PTPRR: variants seen among roughly 807,000 people sequenced by gnomAD.
The protein encoded by PTPRR is protein tyrosine phosphatase receptor type R.
In PTPRR, 38 loss-of-function variants were observed where a neutral mutation model predicts 77.2. The ratio of observed to expected loss-of-function variants is 0.49; its 90% CI spans 0.38 to 0.65. The LOEUF is 0.65. PTPRR is among the 30% of genes least tolerant of loss of function. PTPRR has a pLI of 0.00. For missense variants in PTPRR, 744 were observed against 799.2 expected, an observed-to-expected ratio of 0.93 and a Z score of 0.83; for synonymous variants, 299 against 283.1, an observed-to-expected ratio of 1.06 and a Z score of -0.57.
intron 2 of PTPRR, among the ~76,000 whole-genome samples, chr12:70,875,627 A>T (rs1180444548): frequency 6.7e-6 from 1 of 148,626 alleles, no homozygotes; most frequent in African/African-American, 2.5e-5. Context: ...AATGACTGGG[A>T]TTTATTGCTA....
intron 2 of PTPRR, among the ~76,000 whole-genome samples, chr12:70,823,094 C>T (rs1565709405): frequency 7.2e-6 from 1 of 139,596 alleles, no homozygotes; most frequent in Non-Finnish European, 1.5e-5. Context: ...TTCTCTCTTG[C>T]TGTCTCTCTC....
At chr12:70,816,635 A>T (rs890012022) in intron 2 of PTPRR, among the ~76,000 whole-genome samples, 1 of 151,962 alleles carries the variant, frequency 6.6e-6, no homozygotes, top group African/African-American at 2.4e-5. Context: ...GAGATATAAA[A>T]TTTTTTTTAA....
intron 2 of PTPRR, among the ~76,000 whole-genome samples, chr12:70,847,355 C>T (rs1049307849): frequency 6.6e-6 from 1 of 152,164 alleles, no homozygotes; most frequent in African/African-American, 2.4e-5. Flanking sequence ...ATAATCAAAA[C>T]ATTTGGTCCA....
intron 2 of PTPRR, among the ~76,000 whole-genome samples, chr12:70,774,319 A>G (rs1891044947): frequency 6.6e-6 from 1 of 152,136 alleles, no homozygotes; most frequent in East Asian, 1.9e-4. Context: ...TTGTGTACAC[A>G]CTGCAGAACT....
intron 4 of PTPRR, chr12:70,754,753 G>A (rs757908372): frequency 6.5e-7 from 1 of 1,548,784 alleles, no homozygotes; most frequent in South Asian, 1.2e-5. Context: ...AAAGCTTGTG[G>A]TGCATTAATA....
chr12:70,775,613 C>T (rs186059346), intron 2 of PTPRR, among the ~76,000 whole-genome samples: 9 of 152,262 alleles, frequency 5.9e-5, no homozygotes, highest in Non-Finnish European at 8.8e-5. Flanking sequence ...ACCCAGTGGT[C>T]CAGTTAGTGG....
chr12:70,853,029 G>A (rs1892596468), intron 2 of PTPRR, among the ~76,000 whole-genome samples: 1 of 152,100 alleles, frequency 6.6e-6, no homozygotes, highest in African/African-American at 2.4e-5. Flanking sequence ...ACGGGCCAGG[G>A]GCCGCCACAC....
chr12:70,642,099 C>A (rs1293361582), intron 13 of PTPRR, among the ~76,000 whole-genome samples: 1 of 152,064 alleles, frequency 6.6e-6, no homozygotes, highest in African/African-American at 2.4e-5. Flanking sequence ...TCTCTTCCAG[C>A]TGCACGTTAG....
intron 13 of PTPRR, 189 bp from the exon 14 acceptor site, chr12:70,639,466 TA>T: frequency 7.2e-7 from 1 of 1,382,522 alleles, no homozygotes; most frequent in Non-Finnish European, 9.4e-7. Flanking sequence ...GTAATGTATA[TA>T]AAGGGCTTAA....
At chr12:70,755,970 A>G (rs1404693379) in intron 4 of PTPRR, among the ~76,000 whole-genome samples, 1 of 152,156 alleles carries the variant, frequency 6.6e-6, no homozygotes, top group Non-Finnish European at 1.5e-5. Context: ...AATAGCATCC[A>G]TTGTTTGCTA....
intron 5 of PTPRR, among the ~76,000 whole-genome samples, chr12:70,747,852 G>GA (rs1026439935): frequency 1.6e-4 from 25 of 152,104 alleles, no homozygotes; most frequent in African/African-American, 5.8e-4. Flanking sequence ...AAAAAATATG[G>GA]AAAAAATGGA....
intron 6 of PTPRR, among the ~76,000 whole-genome samples, chr12:70,702,898 T>C (rs1888482801): frequency 6.6e-6 from 1 of 152,208 alleles, no homozygotes. Context: ...ATTTCACAGA[T>C]GTTTTGCTGG....
At chr12:70,817,807 A>G (rs765648100) in intron 2 of PTPRR, among the ~76,000 whole-genome samples, 1 of 152,200 alleles carries the variant, frequency 6.6e-6, no homozygotes, top group African/African-American at 2.4e-5. Context: ...CATATAACTT[A>G]AGATGTCACT....
intron 1 of PTPRR, among the ~76,000 whole-genome samples, chr12:70,896,971 ATC>A (rs1433425952): frequency 1.3e-5 from 2 of 151,922 alleles, no homozygotes; most frequent in East Asian, 1.9e-4. Context: ...ATTGGTCTAT[ATC>A]TCTGTTTTGG....
At chr12:70,776,216 C>G (rs1433522908) in intron 2 of PTPRR, among the ~76,000 whole-genome samples, 5 of 152,120 alleles carry the variant, frequency 3.3e-5, no homozygotes. Flanking sequence ...TTTCTTTATT[C>G]TTTACACCAC....
intron 2 of PTPRR, among the ~76,000 whole-genome samples, chr12:70,865,395 G>A (rs1892826187): frequency 7.8e-6 from 1 of 127,736 alleles, no homozygotes; most frequent in African/African-American, 2.5e-5. Flanking sequence ...TTACGAGACA[G>A]ATTGGGAAGA....
intron 2 of PTPRR, among the ~76,000 whole-genome samples, chr12:70,791,340 TTAG>T (rs1891418580): frequency 6.6e-6 from 1 of 152,182 alleles, no homozygotes; most frequent in Non-Finnish European, 1.5e-5. Flanking sequence ...TGTCTCACTG[TTAG>T]AAATCCTCTG....
chr12:70,664,123 C>T (rs1318951571), intron 10 of PTPRR, among the ~76,000 whole-genome samples: 1 of 152,116 alleles, frequency 6.6e-6, no homozygotes, highest in Non-Finnish European at 1.5e-5. Flanking sequence ...ACATTTTGAC[C>T]CTTTTTCTAA....
At chr12:70,917,605 C>T (rs1452704983) in intron 1 of PTPRR, among the ~76,000 whole-genome samples, 1 of 152,008 alleles carries the variant, frequency 6.6e-6, no homozygotes, top group African/African-American at 2.4e-5. Flanking sequence ...AGCATGGTAC[C>T]CACTCCTCAT....
Sources: allele counts gnomAD v4.1 joint callset (sites outside exome capture counted in the v4.1 genomes callset), GRCh38; gene constraint gnomAD v4.1.1; transcripts MANE v1.5; gene names NCBI Gene and HGNC (gene_info 2026-07-23, HGNC 2026-07-21).